TET3: variants seen among roughly 807,000 people sequenced by gnomAD.
TET3 encodes the protein methylcytosine dioxygenase TET3.
In TET3, 19 loss-of-function variants were observed where a neutral mutation model predicts 141.4. That is an observed-to-expected ratio of 0.13 (90% CI 0.09 to 0.20). The LOEUF is 0.20. Among genes scored for constraint, TET3 ranks in the 10% least tolerant of loss-of-function variants. The pLI is 1.00. For missense variants in TET3, 1,874 were observed against 2,356.9 expected, an observed-to-expected ratio of 0.80 and a Z score of 4.24; for synonymous variants, 1,043 against 980.9, an observed-to-expected ratio of 1.06 and a Z score of -1.18.
chr2:74,017,670 G>A (rs1210232741), intron 3 of TET3, among the ~76,000 whole-genome samples: 1 of 152,038 alleles, frequency 6.6e-6, no homozygotes, highest in African/African-American at 2.4e-5. Context: ...CCATATCTTG[G>A]ATGTTGTCAA....
Position 74,026,578 on chromosome 2 carries a change from C to T in TET3, c.361-19700C>T, listed in dbSNP as rs922008010. On this transcript the variant is annotated intron_variant, in intron 3 of 11. Transcript: ENST00000409262. Reference sequence around the variant, plus strand: ...TAGGTTATCTTTTAGTAGCAGAACTCCCTTGTATAATAGATATTAAAAACA... The same window carrying T: ...TAGGTTATCTTTTAGTAGCAGAACTTCCTTGTATAATAGATATTAAAAACA... 4.6e-5 allele frequency among the ~76,000 whole-genome samples: 7 copies of T among 152,128 alleles called. No homozygotes were observed. The East Asian group carries it at 7.7e-4, about 17-fold the overall frequency.
chr2:74,051,560 T>C (rs1687944997), intron 4 of TET3, among the ~76,000 whole-genome samples: 1 of 152,196 alleles, frequency 6.6e-6, no homozygotes, highest in Admixed American at 6.5e-5. Context: ...AGCAGTAGCA[T>C]GGAAGGTGGA....
chr2:74,097,111 A>T, intron 10 of TET3, among the ~76,000 whole-genome samples: 1 of 106,330 alleles, frequency 9.4e-6, no homozygotes, highest in Non-Finnish European at 2.4e-5. Flanking sequence ...AAGAAGAAAA[A>T]GAAAAAAAAA....
rs971111434 is a variant in TET3, at chr2:74,075,320, CTTTTTTTTTT to C, written c.2585+1699_2585+1708del. Among the ~76,000 whole-genome samples, 7 of 89,120 alleles carry C rather than the reference CTTTTTTTTTT, an allele frequency of 7.9e-5. 1 individual carries two copies. The South Asian group carries it at 2.1e-3, about 26-fold the overall frequency. The allele number at this position is 89,120 out of a possible 152,430, so 58.5% of individuals were successfully genotyped here. A position where few individuals can be genotyped will look rare whatever the true frequency, so the allele number is the denominator to read the frequency against. On this transcript the variant is annotated intron_variant, in intron 5 of 11. Coordinates refer to ENST00000409262, the MANE Select transcript of TET3 (RefSeq NM_001287491.2). ...TTTGTCTGACCATGAGAGCCAAATA[CTTTTTTTTTT>C]TTTTTTTTTTTTTTTTTGAGACGGA... is the stretch of plus-strand genomic sequence containing the variant.
chr2:74,127,116 TG>T, the TET3 span, among the ~76,000 whole-genome samples: 1 of 152,174 alleles, frequency 6.6e-6, no homozygotes, highest in Non-Finnish European at 1.5e-5. Context: ...ATGAGCTGCT[TG>T]CCTCTACATT....
chr2:74,134,102 T>C, the TET3 span, among the ~76,000 whole-genome samples: 1 of 152,170 alleles, frequency 6.6e-6, no homozygotes, highest in African/African-American at 2.4e-5. Context: ...GACAAATAGG[T>C]TCCACGCAGG....
intron 3 of TET3, among the ~76,000 whole-genome samples, chr2:74,015,227 A>G (rs1487868226): frequency 6.6e-6 from 1 of 152,246 alleles, no homozygotes; most frequent in African/African-American, 2.4e-5. Flanking sequence ...AGGCAGGGAG[A>G]GGAAGAAAGG....
rs117054696 is a variant in TET3, at chr2:74,095,377, A to C, written c.3267+1711A>C. ...CAGGGGGCCCTGGAAGGTGGGCGAG[A>C]GCAAGAGCACCATGAGGTGATCTGG... On this transcript the variant is annotated intron_variant, in intron 10 of 11. Coordinates refer to ENST00000409262, the MANE Select transcript of TET3 (RefSeq NM_001287491.2). Among the ~76,000 whole-genome samples, 118 of 152,348 alleles carry C rather than the reference A, an allele frequency of 7.7e-4. 2 individuals carry two copies. In the East Asian group the frequency reaches 0.022, roughly 28 times the overall value.
chr2:74,060,748 A>G (rs1049681110), intron 4 of TET3, among the ~76,000 whole-genome samples: 1 of 152,222 alleles, frequency 6.6e-6, no homozygotes, highest in African/African-American at 2.4e-5. Context: ...GCTGCCTTCA[A>G]GCATCTGTTT....
intron 4 of TET3, among the ~76,000 whole-genome samples, chr2:74,057,855 G>A (rs905901179): frequency 6.6e-6 from 1 of 152,046 alleles, no homozygotes; most frequent in African/African-American, 2.4e-5. Flanking sequence ...AAAGTGGAGG[G>A]ATTAATATAA....
intron 2 of TET3, chr2:74,002,656 C>T (rs1684917850): frequency 5.2e-6 from 2 of 384,142 alleles, no homozygotes; most frequent in African/African-American, 4.2e-5. Context: ...AGCGCGCCGC[C>T]CCCTCGCACA....
intron 3 of TET3, among the ~76,000 whole-genome samples, chr2:74,025,651 T>C (rs1686302453): frequency 6.6e-6 from 1 of 152,190 alleles, no homozygotes; most frequent in African/African-American, 2.4e-5. Flanking sequence ...AGCATTATTA[T>C]ACCAGCTAAC....
At chr2:74,120,451 G>A in the TET3 span, among the ~76,000 whole-genome samples, 6 of 152,366 alleles carry the variant, frequency 3.9e-5, no homozygotes, top group South Asian at 8.3e-4. Context: ...ACCTACCCGG[G>A]GGGAACGTGT....
intron 2 of TET3, chr2:73,998,346 C>T (rs1192126362): frequency 6.6e-6 from 1 of 152,226 alleles, no homozygotes; most frequent in Admixed American, 6.5e-5. Context: ...TTTTCACGAG[C>T]ATCTCAAAGG....
At chr2:74,061,661 C>A (rs549538018) in intron 4 of TET3, among the ~76,000 whole-genome samples, 1 of 146,096 alleles carries the variant, frequency 6.8e-6, no homozygotes. Flanking sequence ...ACTTCCCAGA[C>A]GGGGTGGCTG....
intron 3 of TET3, among the ~76,000 whole-genome samples, chr2:74,033,193 A>G (rs1050586313): frequency 2.6e-5 from 4 of 152,352 alleles, no homozygotes; most frequent in South Asian, 2.1e-4. Context: ...CTAAATAAAA[A>G]TGAAAATACC....
At chr2:73,994,013 G>A (rs776988925) in intron 2 of TET3, among the ~76,000 whole-genome samples, 5 of 152,160 alleles carry the variant, frequency 3.3e-5, no homozygotes, top group Non-Finnish European at 5.9e-5. Flanking sequence ...TGGCAGTGAT[G>A]ATGCAGTTAT....
the TET3 span, among the ~76,000 whole-genome samples, chr2:74,119,415 T>C: frequency 6.6e-6 from 1 of 152,092 alleles, no homozygotes; most frequent in East Asian, 1.9e-4. Flanking sequence ...CTTTGCAGAA[T>C]GTTCCTCAAT....
In TET3 at chr2:74,047,371, C is replaced by T; in HGVS notation, c.1454C>T (p.Pro485Leu). Residue 485 changes from proline (P) to leucine (L), a missense_variant, in exon 4 of 12, where the codon CCT becomes CTT. Coordinates refer to ENST00000409262, the MANE Select transcript of TET3 (RefSeq NM_001287491.2). ...GTATTCAAGCGGCCTGAGGCCCTGCCTACCAAGCCCAAGGTCAAGGTGGAG... is the reference window on the plus strand; with the variant it reads ...GTATTCAAGCGGCCTGAGGCCCTGCTTACCAAGCCCAAGGTCAAGGTGGAG... ...QSVFKRPEAL[P>L]TKPKVKVEAP... 1 of 1,613,924 alleles carries T rather than the reference C, an allele frequency of 6.2e-7. No individual in the cohort carries two copies. The highest frequency in any genetic ancestry group is 8.5e-7 in the Non-Finnish European group (1 of 1,179,882).
Sources: allele counts gnomAD v4.1 joint callset (sites outside exome capture counted in the v4.1 genomes callset), GRCh38; gene constraint gnomAD v4.1.1; transcripts MANE v1.5; gene names NCBI Gene and HGNC (gene_info 2026-07-23, HGNC 2026-07-21).